PTGER3: variants seen among roughly 807,000 people sequenced by gnomAD.
PTGER3 encodes prostaglandin E receptor 3, also known as prostaglandin E2 receptor EP3 subtype.
In PTGER3, 22 loss-of-function variants were observed where a neutral mutation model predicts 34.7. That is an observed-to-expected ratio of 0.63 (90% confidence interval 0.45 to 0.91). PTGER3 has a LOEUF of 0.91. Among genes scored for constraint, PTGER3 ranks in the 40% least tolerant of loss-of-function variants. The pLI is 0.00. For synonymous variants in PTGER3, 241 were observed against 230.1 expected, an observed-to-expected ratio of 1.05 and a Z score of -0.43; for missense variants, 468 against 519.4, an observed-to-expected ratio of 0.90 and a Z score of 0.96.
intron 1 of PTGER3, among the ~76,000 whole-genome samples, chr1:71,030,133 G>A (rs996807935): frequency 4.6e-5 from 7 of 151,930 alleles, no homozygotes; most frequent in African/African-American, 1.7e-4. Flanking sequence ...AAGGATGCTG[G>A]GGTAGGGATG....
intron 4 of PTGER3, among the ~76,000 whole-genome samples, chr1:70,944,290 A>G (rs777289648): frequency 7.2e-5 from 11 of 152,170 alleles, no homozygotes; most frequent in Non-Finnish European, 1.5e-4. Context: ...AATATTTGCT[A>G]GAACTTCTGA....
intron 2 of PTGER3, among the ~76,000 whole-genome samples, chr1:70,987,084 A>G (rs371251817): frequency 1.3e-5 from 2 of 152,316 alleles, no homozygotes; most frequent in African/African-American, 2.4e-5. Flanking sequence ...CCTGGCCATT[A>G]GCAAAAACAG....
intron 2 of PTGER3, among the ~76,000 whole-genome samples, chr1:71,002,492 T>C (rs923975726): frequency 1.3e-5 from 2 of 152,228 alleles, no homozygotes; most frequent in Non-Finnish European, 2.9e-5. Context: ...AAAATGACTG[T>C]ATTTAAAATA....
At chr1:71,011,520 T>C (rs370091282) in intron 2 of PTGER3, 1 of 985,250 alleles carries the variant, frequency 1.0e-6, no homozygotes, top group East Asian at 1.1e-4. Flanking sequence ...CTCATAGAAA[T>C]GTAAAATATA....
chr1:71,047,395 AG>A lies in PTGER3; in HGVS notation c.182del (p.Thr61MetfsTer75). The A allele has an allele frequency of 1.9e-6, 3 of 1,611,764 alleles. No homozygotes were observed. Among genetic ancestry groups the A allele is most frequent in the Non-Finnish European group, 2.5e-6 (3 of 1,179,662 alleles). On this transcript the variant is annotated frameshift_variant, in exon 1 of 4. Transcript: ENST00000306666. LOFTEE classifies it high-confidence loss of function. ...SVAFPITMLLTGFVGNALAML... is the reference protein window; with the variant it reads ...SVAFPITMLLXGFVGNALAML... Reference sequence around the variant, plus strand: ...TGGCCAGTGCGTTGCCCACGAAACCAGTGAGCAGCATGGTGATCGGGAAGGC... The same window carrying A: ...TGGCCAGTGCGTTGCCCACGAAACCATGAGCAGCATGGTGATCGGGAAGGC...
intron 2 of PTGER3, chr1:71,006,157 T>A: frequency 2.0e-6 from 2 of 983,600 alleles, no homozygotes; most frequent in Non-Finnish European, 2.4e-6. Flanking sequence ...TTAACAAAAC[T>A]CTGCCTATCC....
intron 2 of PTGER3, chr1:71,006,223 A>AACCC: frequency 1.0e-6 from 1 of 985,420 alleles, no homozygotes; most frequent in Non-Finnish European, 1.2e-6. Flanking sequence ...CTAGGCCTAG[A>AACCC]ACCCCCACAT....
chr1:70,906,891 G>A (rs1646959920), intron 4 of PTGER3, among the ~76,000 whole-genome samples: 1 of 152,190 alleles, frequency 6.6e-6, no homozygotes, highest in African/African-American at 2.4e-5. Context: ...TATGAATGCA[G>A]ATGTTAACAA....
intron 2 of PTGER3, among the ~76,000 whole-genome samples, chr1:70,992,372 G>A (rs773953692): frequency 1.3e-5 from 2 of 152,196 alleles, no homozygotes; most frequent in Non-Finnish European, 2.9e-5. Flanking sequence ...TGGAAGCAGA[G>A]CGATTTCTTT....
intron 4 of PTGER3, among the ~76,000 whole-genome samples, chr1:70,941,357 T>C (rs561550175): frequency 3.5e-4 from 53 of 152,294 alleles, no homozygotes; most frequent in Non-Finnish European, 6.9e-4. Flanking sequence ...ACCTTTTTTG[T>C]TTGGGCATAA....
At chr1:70,948,501 C>G (rs944502724), downstream of PTGER3, among the ~76,000 whole-genome samples, 2 of 152,122 alleles carry the variant, frequency 1.3e-5, no homozygotes, top group African/African-American at 4.8e-5. Context: ...TCAAGAAGAC[C>G]TTTACAGCAG....
At chr1:70,946,619 T>A (rs892727630) in intron 4 of PTGER3, among the ~76,000 whole-genome samples, 44 of 152,294 alleles carry the variant, frequency 2.9e-4, no homozygotes, top group Middle Eastern at 3.4e-3. Context: ...GTTAGTCCGT[T>A]GCTGTAAAGC....
intron 4 of PTGER3, among the ~76,000 whole-genome samples, chr1:70,867,141 T>C (rs1646059883): frequency 6.6e-6 from 1 of 152,238 alleles, no homozygotes; most frequent in African/African-American, 2.4e-5. Context: ...TGCTCTTAGC[T>C]TAGGCTGTTT....
intron 4 of PTGER3, among the ~76,000 whole-genome samples, chr1:70,855,710 TG>T (rs760195545): frequency 1.1e-4 from 17 of 152,290 alleles, no homozygotes; most frequent in Non-Finnish European, 2.2e-4. Context: ...GGGTGTTTTC[TG>T]TGTGTTTGGA....
At chr1:70,947,757 A>G (rs1409984), downstream of PTGER3, among the ~76,000 whole-genome samples, 20,674 of 152,080 alleles carry the variant, frequency 0.14, 1,914 homozygotes, top group East Asian at 0.3. Flanking sequence ...TTCTTGAATC[A>G]TTGTTGAGTA....
At chr1:70,891,331 C>T (rs1482811194) in intron 4 of PTGER3, among the ~76,000 whole-genome samples, 1 of 152,110 alleles carries the variant, frequency 6.6e-6, no homozygotes, top group Non-Finnish European at 1.5e-5. Flanking sequence ...TCCTGAATTC[C>T]CATTTGGTGT....
chr1:71,005,225 A>T (rs1431646256), intron 2 of PTGER3, among the ~76,000 whole-genome samples: 2 of 152,212 alleles, frequency 1.3e-5, no homozygotes, highest in African/African-American at 4.8e-5. Flanking sequence ...CCTGCCCTAA[A>T]GCCATGCCAC....
At chr1:70,992,869 A>G (rs974474223) in intron 2 of PTGER3, among the ~76,000 whole-genome samples, 1 of 152,224 alleles carries the variant, frequency 6.6e-6, no homozygotes, top group Non-Finnish European at 1.5e-5. Context: ...GAAGCATTTG[A>G]TTAATGATCA....
chr1:70,880,693 A>G (rs942618128), intron 4 of PTGER3, among the ~76,000 whole-genome samples: 5 of 150,528 alleles, frequency 3.3e-5, no homozygotes, highest in East Asian at 2.0e-4. Context: ...CTGTCAAAAA[A>G]AAAAGAAAAA....
Sources: allele counts gnomAD v4.1 joint callset (sites outside exome capture counted in the v4.1 genomes callset), GRCh38; gene constraint gnomAD v4.1.1; transcripts MANE v1.5; gene names NCBI Gene and HGNC (gene_info 2026-07-23, HGNC 2026-07-21).